CACNA1H: variants seen among roughly 807,000 people sequenced by gnomAD.
CACNA1H encodes the protein voltage-dependent T-type calcium channel subunit alpha-1H.
In CACNA1H, 149 loss-of-function variants were observed where a neutral mutation model predicts 192.5. The observed-to-expected ratio is 0.77, with a 90% CI of 0.68 to 0.89. The LOEUF (loss-of-function observed/expected upper bound fraction) is 0.89. Among genes scored for constraint, CACNA1H ranks in the 40% least tolerant of loss-of-function variants. The pLI, the probability that CACNA1H is intolerant of heterozygous loss-of-function variation, is 0.00. For synonymous variants in CACNA1H, 2,202 were observed against 1,475.2 expected (o/e 1.49, Z -11.29); for missense variants, 4,257 against 3,423.5 (o/e 1.24, Z -6.08).
At chr16:1,198,222 C>G (rs748622976) in intron 5 of CACNA1H, among the ~76,000 whole-genome samples, 1 of 152,134 alleles carries the variant, frequency 6.6e-6, no homozygotes, top group African/African-American at 2.4e-5. Context: ...CTGGTCATCC[C>G]GAGCCCGAGA....
chr16:1,168,881 G>A (rs1012812449), intron 2 of CACNA1H, among the ~76,000 whole-genome samples: 5 of 152,094 alleles, frequency 3.3e-5, no homozygotes, highest in East Asian at 1.9e-4. Context: ...TTTAGGGGCC[G>A]CAGGGGGTGC....
chr16:1,183,447 C>G (rs575174661), intron 2 of CACNA1H, among the ~76,000 whole-genome samples: 259 of 152,332 alleles, frequency 1.7e-3, no homozygotes, highest in South Asian at 3.5e-3. Flanking sequence ...CCTCCCTTGT[C>G]TCCATGGCAG....
rs761761029 is a variant in CACNA1H, at chr16:1,209,300, C to T, written c.3632C>T (p.Pro1211Leu). Residue 1211 changes from proline to leucine, a missense_variant, in exon 17 of 35, where the codon CCT becomes CTT. By Grantham distance (98) the Pro-to-Leu change is moderately conservative (BLOSUM62 -3). Coordinates refer to ENST00000348261, the MANE Select transcript of CACNA1H (RefSeq NM_021098.3). ...PRPLRPAALP[P>L]TKCRDRDGQV... ...CCCCTGCGGCCGGCCGCCCTCCCGC[C>T]TACCAAGTGCCGCGATCGCGACGGG... The T allele has an allele frequency of 6.3e-7, 1 of 1,593,360 alleles. No homozygotes were observed. Among genetic ancestry groups the T allele is most frequent in the East Asian group, 2.3e-5 (1 of 44,338 alleles).
Position 1,211,703 on chromosome 16 carries a change from C to G in CACNA1H, c.4477-13C>G. 1 of 1,612,430 alleles carries G rather than the reference C, an allele frequency of 6.2e-7. No individual in the cohort carries two copies. Among genetic ancestry groups the G allele is most frequent in the South Asian group, 1.1e-5 (1 of 91,086 alleles). ...CTCTAACCCTCGCCAGTGACCCTGG[C>G]TCTGGCCCTCAGGCCCTGATGTCGC... On this transcript the variant is annotated splice_polypyrimidine_tract_variant and intron_variant, in intron 23 of 34. Coordinates refer to ENST00000348261, the MANE Select transcript of CACNA1H (RefSeq NM_021098.3).
chr16:1,216,185 C>G (rs1049061865), intron 30 of CACNA1H, among the ~76,000 whole-genome samples: 2 of 152,196 alleles, frequency 1.3e-5, no homozygotes, highest in African/African-American at 4.8e-5. Context: ...TCCTCCTGTT[C>G]CCACCCATTT....
At chr16:1,213,232 T>A (rs1433136815) in intron 26 of CACNA1H, among the ~76,000 whole-genome samples, 4 of 152,160 alleles carry the variant, frequency 2.6e-5, no homozygotes, top group Non-Finnish European at 5.9e-5. Flanking sequence ...CAGGTTACAC[T>A]CTCGTCTCTG....
In CACNA1H at chr16:1,202,451, T is replaced by A. The variant is rs1180154075; in HGVS notation, c.2001T>A (p.His667Gln). Reference sequence around the variant, plus strand: ...AGATCCCGCATGTGGTCGGGGAGCATGGTGAGGACCCAGCCCCACCCCACG... The same window carrying A: ...AGATCCCGCATGTGGTCGGGGAGCAAGGTGAGGACCCAGCCCCACCCCACG... Reference protein sequence around the residue: ...YEKIPHVVGEHGLGQAPGHLS... With the variant: ...YEKIPHVVGEQGLGQAPGHLS... The change falls in exon 9 of 35, where the codon CAT (histidine) becomes CAA (glutamine). Residue 667 changes from histidine (H) to glutamine (Q), a missense_variant and splice_region_variant. By Grantham distance (24) the His-to-Gln change is conservative. Transcript: ENST00000348261. The A allele has an allele frequency of 1.3e-5, 19 of 1,486,336 alleles. 1 individual carries two copies. The Admixed American group carries it at 3.9e-4, about 30-fold the overall frequency. 92.1% of individuals were successfully genotyped at this position (1,486,336 alleles called of 1,614,324 possible). A position where few individuals can be genotyped will look rare whatever the true frequency, so the allele number is the denominator to read the frequency against.
chr16:1,186,576 C>A (rs1328419449), intron 2 of CACNA1H, among the ~76,000 whole-genome samples: 2 of 152,098 alleles, frequency 1.3e-5, no homozygotes, highest in Admixed American at 6.5e-5. Context: ...GCACACGTGC[C>A]CACACACATG....
rs867971335 is a variant in CACNA1H, at chr16:1,198,747, G to A, written c.776G>A (p.Arg259His). The part of the protein sequence containing the change: ...VQLWAGLLRN[R>H]CFLDSAFVRN... Reference sequence around the variant, plus strand: ...CTCTGGGCTGGCCTCCTGCGGAACCGCTGCTTCCTGGACAGTGCCTTTGTC... The same window carrying A: ...CTCTGGGCTGGCCTCCTGCGGAACCACTGCTTCCTGGACAGTGCCTTTGTC... The change falls in exon 6 of 35, where the codon CGC (arginine) becomes CAC (histidine). Residue 259 changes from arginine to histidine, a missense_variant. By Grantham distance (29) the Arg-to-His change is conservative. Transcript: ENST00000348261. 1.9e-6 allele frequency: 3 copies of A among 1,612,238 alleles called. No homozygotes were observed. Among genetic ancestry groups the A allele is most frequent in the Non-Finnish European group, 2.5e-6 (3 of 1,179,414 alleles).
At chr16:1,188,734 C>T (rs1966308546) in intron 2 of CACNA1H, among the ~76,000 whole-genome samples, 1 of 152,188 alleles carries the variant, frequency 6.6e-6, no homozygotes, top group Non-Finnish European at 1.5e-5. Flanking sequence ...AAACGGGGGT[C>T]AGTGGAGCAG....
In CACNA1H at chr16:1,210,503, C is replaced by T; in HGVS notation, c.3969+10C>T. The T allele has an allele frequency of 1.9e-6, 3 of 1,611,372 alleles. No individual in the cohort carries two copies. Among genetic ancestry groups the T allele is most frequent in the Non-Finnish European group, 1.7e-6 (2 of 1,179,676 alleles). On this transcript the variant is annotated intron_variant, in intron 19 of 34. Transcript: ENST00000348261. ...TGATCCCGGCAGCACCGTGAGTCAG[C>T]CAACCCCATCGTCCCGGGCCACCAC...
intron 2 of CACNA1H, among the ~76,000 whole-genome samples, chr16:1,159,374 A>C (rs1050648607): frequency 1.3e-5 from 2 of 150,252 alleles, no homozygotes; most frequent in African/African-American, 4.9e-5. Context: ...AAGAACGTCC[A>C]GGCAGGGGGA....
At chr16:1,209,807 G>T (rs776566661) in intron 17 of CACNA1H, among the ~76,000 whole-genome samples, 1 of 152,200 alleles carries the variant, frequency 6.6e-6, no homozygotes. Flanking sequence ...TGGCCCCGTG[G>T]ACTCCAGCAC....
chr16:1,162,342 C>A (rs903004409), intron 2 of CACNA1H, among the ~76,000 whole-genome samples: 6 of 152,174 alleles, frequency 3.9e-5, no homozygotes, highest in Admixed American at 6.5e-5. Context: ...GCCCCCAGCA[C>A]CTGCTTGGCC....
In CACNA1H at chr16:1,180,430, C is replaced by G. The variant is rs1965348336; in HGVS notation, c.300-14542C>G. ...CCCCAGGTCTGTGGAGGCCCGAGGT[C>G]TGAAGGGAAATCCCCAGTGGTGGGA... On this transcript the variant is annotated intron_variant, in intron 2 of 34. Transcript: ENST00000348261. The surrounding 1 kb of genome is among the most constrained non-coding windows in gnomAD (Gnocchi z 4.4). Among the ~76,000 whole-genome samples the G allele has an allele frequency of 6.6e-6, 1 of 152,156 alleles. No individual in the cohort carries two copies. Among genetic ancestry groups the G allele is most frequent in the Admixed American group, 6.5e-5 (1 of 15,288 alleles).
chr16:1,198,944 C>T, intron 6 of CACNA1H, 170 bp downstream of exon 6: 1 of 632,546 alleles, frequency 1.6e-6, no homozygotes, highest in South Asian at 1.9e-5. Flanking sequence ...CTCCCGCCCC[C>T]ACCCCCCATC....
intron 1 of CACNA1H, 67 bp from the exon 2 acceptor site, chr16:1,153,653 C>G (rs1284242836): frequency 1.9e-6 from 2 of 1,038,572 alleles, no homozygotes; most frequent in East Asian, 8.0e-5. Flanking sequence ...GTTCCCGCAG[C>G]TCCGCGCCGC....
chr16:1,200,658 G>A (rs2141245466), intron 7 of CACNA1H, 58 bp from the exon 8 acceptor site: 6 of 1,578,586 alleles, frequency 3.8e-6, no homozygotes, highest in African/African-American at 1.3e-5. Flanking sequence ...AGACCCCAGG[G>A]GCACGGGGAG....
intron 6 of CACNA1H, 157 bp downstream of exon 6, chr16:1,198,931 T>C: frequency 1.5e-6 from 1 of 672,438 alleles, no homozygotes; most frequent in Non-Finnish European, 2.5e-6. Flanking sequence ...TCCACCATGC[T>C]GTCTCCCGCC....
Sources: gnomAD v4.1 joint callset for allele counts (sites outside exome capture counted in the v4.1 genomes callset) on GRCh38, gnomAD v4.1.1 for gene constraint, Gnocchi (gnomAD v3.1) non-coding constraint, MANE v1.5 for transcripts, NCBI Gene and HGNC (gene_info 2026-07-23, HGNC 2026-07-21) for gene names.